BLTP3A: variants seen among roughly 807,000 people sequenced by gnomAD.
The protein encoded by BLTP3A is ICBP90 binding protein 1.
the BLTP3A span, chr6:34,857,440 T>C: frequency 3.7e-6 from 6 of 1,614,142 alleles, no homozygotes; most frequent in Non-Finnish European, 4.2e-6. Context: ...GTTCACAGAG[T>C]ATTACTTCCC....
At chr6:34,835,609 ATTT>A in the BLTP3A span, 2 of 886,278 alleles carry the variant, frequency 2.3e-6, no homozygotes, top group African/African-American at 3.4e-5. Context: ...TGCACCTCTG[ATTT>A]TTTATTTATT....
the BLTP3A span, chr6:34,823,359 T>C: frequency 6.2e-7 from 1 of 1,606,970 alleles, no homozygotes; most frequent in Non-Finnish European, 8.5e-7. Flanking sequence ...GTTAGTTTCT[T>C]TGAACCCTGT....
the BLTP3A span, chr6:34,823,191 C>A: frequency 7.5e-7 from 1 of 1,331,724 alleles, no homozygotes; most frequent in Non-Finnish European, 1.1e-6. Flanking sequence ...ATGACACAGT[C>A]TGTGCTGTCA....
At chr6:34,857,953 A>AAAT in the BLTP3A span, 3 of 1,598,144 alleles carry the variant, frequency 1.9e-6, no homozygotes, top group Non-Finnish European at 2.6e-6. Flanking sequence ...CCCTGTTAGT[A>AAAT]GCCACAGCTG....
At chr6:34,835,447 G>A in the BLTP3A span, 1 of 1,614,132 alleles carries the variant, frequency 6.2e-7, no homozygotes, top group Admixed American at 1.7e-5. Context: ...AAAGAGCCTG[G>A]CCCCTGAACC....
At chr6:34,861,387 A>G in the BLTP3A span, among the ~76,000 whole-genome samples, 2 of 152,204 alleles carry the variant, frequency 1.3e-5, no homozygotes, top group Admixed American at 6.5e-5. Flanking sequence ...CAGCCTCCCA[A>G]AATGCTGGGA....
At chr6:34,807,425 C>T in the BLTP3A span, among the ~76,000 whole-genome samples, 8 of 152,314 alleles carry the variant, frequency 5.3e-5, no homozygotes, top group South Asian at 1.4e-3. Flanking sequence ...AAGATATTCA[C>T]TTCTAGGAAA....
chr6:34,839,304 G>A, the BLTP3A span, among the ~76,000 whole-genome samples: 1 of 151,012 alleles, frequency 6.6e-6, no homozygotes, highest in Admixed American at 6.6e-5. Context: ...CCCGGGTGTG[G>A]TATAGGGGCA....
chr6:34,858,410 A>G, the BLTP3A span: 2 of 1,614,070 alleles, frequency 1.2e-6, no homozygotes, highest in Non-Finnish European at 1.7e-6. Flanking sequence ...CTCCCTCCCC[A>G]GAGACCTAAG....
chr6:34,872,592 C>A, the BLTP3A span: 1 of 949,734 alleles, frequency 1.1e-6, no homozygotes, highest in Non-Finnish European at 1.5e-6. Flanking sequence ...GTGCTTTCCA[C>A]TAGCTGTTCT....
the BLTP3A span, among the ~76,000 whole-genome samples, chr6:34,811,413 G>A: frequency 6.6e-6 from 1 of 152,156 alleles, no homozygotes; most frequent in Admixed American, 6.6e-5. Context: ...AGTATATATA[G>A]GTCAGATGAA....
the BLTP3A span, chr6:34,835,159 T>C: frequency 7.0e-6 from 7 of 1,002,006 alleles, no homozygotes; most frequent in African/African-American, 9.8e-5. Flanking sequence ...TATAAGAAAT[T>C]GTCTCTCCAA....
At chr6:34,821,934 G>A in the BLTP3A span, 1 of 1,614,240 alleles carries the variant, frequency 6.2e-7, no homozygotes, top group South Asian at 1.1e-5. Context: ...GGACAAAGTT[G>A]AAGACACACC....
At chr6:34,839,307 TA>T in the BLTP3A span, among the ~76,000 whole-genome samples, 2 of 149,786 alleles carry the variant, frequency 1.3e-5, no homozygotes, top group Non-Finnish European at 3.0e-5. Context: ...GGGTGTGGTA[TA>T]GGGGCAGAGA....
chr6:34,853,824 A>T, the BLTP3A span, among the ~76,000 whole-genome samples: 2 of 152,166 alleles, frequency 1.3e-5, no homozygotes, highest in Admixed American at 6.5e-5. Context: ...AGCCTCCCAA[A>T]GTGCTGGGAT....
the BLTP3A span, among the ~76,000 whole-genome samples, chr6:34,792,710 C>G: frequency 6.6e-6 from 1 of 152,254 alleles, no homozygotes; most frequent in Non-Finnish European, 1.5e-5. Flanking sequence ...CTTCTCTCTG[C>G]TTTCTCTGGC....
At chr6:34,857,811 T>A in the BLTP3A span, 1 of 1,614,202 alleles carries the variant, frequency 6.2e-7, no homozygotes, top group Middle Eastern at 1.6e-4. Context: ...CTCTTTTGCC[T>A]GGATTTATAC....
At chr6:34,834,239 G>T in the BLTP3A span, 1 of 1,613,800 alleles carries the variant, frequency 6.2e-7, no homozygotes, top group Non-Finnish European at 8.5e-7. Context: ...TGCCGAAAAG[G>T]TGGTGGAAGG....
At chr6:34,867,129 A>G in the BLTP3A span, 1 of 1,312,078 alleles carries the variant, frequency 7.6e-7, no homozygotes, top group East Asian at 2.6e-5. Context: ...TGTCATAAGT[A>G]TTTTGTTTTA....
Sources: gnomAD v4.1 joint callset for allele counts (sites outside exome capture counted in the v4.1 genomes callset) on GRCh38, gnomAD v4.1.1 for gene constraint, MANE v1.5 for transcripts, NCBI Gene and HGNC (gene_info 2026-07-23, HGNC 2026-07-21) for gene names.